The following ADRA1A variants were observed in gnomAD, a reference collection of about 807,000 sequenced individuals.
The protein encoded by ADRA1A is alpha-1A adrenergic receptor.
Under a neutral mutation model 29.6 loss-of-function variants are expected in ADRA1A, and 31 were observed. The ratio of observed to expected loss-of-function variants is 1.05; its 90% CI spans 0.79 to 1.41. ADRA1A has a LOEUF of 1.41. Among genes scored for constraint, ADRA1A ranks in the 40% most tolerant of loss-of-function variants. The pLI, the probability that ADRA1A is intolerant of heterozygous loss-of-function variation, is 0.00. For missense variants in ADRA1A, 619 were observed against 601.1 expected, an observed-to-expected ratio of 1.03 and a Z score of -0.31; for synonymous variants, 311 against 254.3, an observed-to-expected ratio of 1.22 and a Z score of -2.12.
At chr8:26,756,552 C>G in exon 3 of ADRA1A, 1 of 1,545,090 alleles carries the variant, frequency 6.5e-7, no homozygotes, top group Non-Finnish European at 8.7e-7. Flanking sequence ...CCTTAAGTTA[C>G]TGTTTTTCCT....
intron 2 of ADRA1A, among the ~76,000 whole-genome samples, chr8:26,826,284 CT>C (rs1393516873): frequency 2.0e-5 from 3 of 152,168 alleles, no homozygotes; most frequent in East Asian, 3.9e-4. Context: ...AGCAATTCTC[CT>C]GCAGACCAAA....
chr8:26,859,290 CAT>C, intron 2 of ADRA1A: 1 of 918,656 alleles, frequency 1.1e-6, no homozygotes, highest in Non-Finnish European at 1.5e-6. Context: ...AATAAAAAAA[CAT>C]ATAACATCTC....
At chr8:26,818,147 T>C (rs1432157887) in intron 2 of ADRA1A, among the ~76,000 whole-genome samples, 3 of 152,158 alleles carry the variant, frequency 2.0e-5, no homozygotes, top group Admixed American at 6.5e-5. Flanking sequence ...GAAAGAAAAC[T>C]CAGTGGTTGC....
chr8:26,798,340 G>A (rs368068870), intron 2 of ADRA1A, among the ~76,000 whole-genome samples: 8 of 152,092 alleles, frequency 5.3e-5, no homozygotes, highest in Admixed American at 4.6e-4. Flanking sequence ...TTAGATGGGC[G>A]AGATTCTAAA....
chr8:26,795,825 C>T (rs986623926), intron 2 of ADRA1A, among the ~76,000 whole-genome samples: 10 of 151,698 alleles, frequency 6.6e-5, no homozygotes, highest in South Asian at 2.1e-4. Context: ...ATTCAGGCTA[C>T]GGAAAATTGT....
chr8:26,860,931 G>T lies in ADRA1A; in HGVS notation c.883+3156C>A, dbSNP rs1813408784. ...AGCTACACCGCATCTCCTAGCTCCAGTGTATAGCAAAACCTTTCAGAAGAG... is the reference window on the plus strand; with the variant it reads ...AGCTACACCGCATCTCCTAGCTCCATTGTATAGCAAAACCTTTCAGAAGAG... On this transcript the variant is annotated intron_variant, in intron 2 of 2. Transcript: ENST00000380573. The surrounding 1 kb of genome is among the most constrained non-coding windows in gnomAD (Gnocchi z 4.7). Among the ~76,000 whole-genome samples the T allele has an allele frequency of 6.6e-6, 1 of 152,140 alleles. No individual in the cohort carries two copies. Among genetic ancestry groups the T allele is most frequent in the Admixed American group, 6.5e-5 (1 of 15,280 alleles).
At position 26,865,412 on chromosome 8, in the gene ADRA1A, C is replaced by T. The variant is rs1813833881; in HGVS notation, c.-443G>A. On this transcript the variant is annotated 5_prime_UTR_variant, in exon 2 of 3. Transcript: ENST00000380573. This position sits in a 1 kb window ranked among gnomAD's most constrained non-coding sequence, Gnocchi z 7.6. ...TGCACATGATTCGGAATTCAAAACT[C>T]CAGCGCCAGTCTCTCCCTCAAACCA... 2.0e-6 allele frequency: 2 copies of T among 1,004,460 alleles called. No homozygotes were observed. The highest frequency in any genetic ancestry group is 3.5e-5 in the African/African-American group (2 of 57,560). The allele number at this position is 1,004,460 out of a possible 1,614,324, so 62.2% of individuals were successfully genotyped here.
Position 26,770,142 on chromosome 8 carries a change from T to C in ADRA1A, c.*7A>G. ...ATTATTCCCCTTTCCTCTGCATCTTTCCTGTCCTAGACTTCCTCCCCGTTC... is the reference window on the plus strand; with the variant it reads ...ATTATTCCCCTTTCCTCTGCATCTTCCCTGTCCTAGACTTCCTCCCCGTTC... On this transcript the variant is annotated 3_prime_UTR_variant, in exon 3 of 3. Coordinates refer to ENST00000380573, the MANE Select transcript of ADRA1A (RefSeq NM_000680.4). The C allele has an allele frequency of 6.5e-7, 1 of 1,533,120 alleles. No individual in the cohort carries two copies. Among genetic ancestry groups the C allele is most frequent in the Non-Finnish European group, 8.8e-7 (1 of 1,141,350 alleles). 95.0% of individuals were successfully genotyped at this position (1,533,120 alleles called of 1,614,324 possible). A position where few individuals can be genotyped will look rare whatever the true frequency, so the allele number is the denominator to read the frequency against.
intron 2 of ADRA1A, among the ~76,000 whole-genome samples, chr8:26,792,475 C>A (rs188457877): frequency 0.013 from 1,987 of 151,766 alleles, 49 homozygotes; most frequent in African/African-American, 0.045. Context: ...TAGAATTCAT[C>A]ACCAATTCTG....
intron 2 of ADRA1A, among the ~76,000 whole-genome samples, chr8:26,862,245 C>G (rs977348684): frequency 6.6e-6 from 1 of 152,200 alleles, no homozygotes; most frequent in Non-Finnish European, 1.5e-5. Context: ...CCAGGAAGCT[C>G]TTCTTCCCAG....
At chr8:26,847,256 A>T (rs910116285) in intron 2 of ADRA1A, among the ~76,000 whole-genome samples, 11 of 152,064 alleles carry the variant, frequency 7.2e-5, no homozygotes, top group Non-Finnish European at 1.0e-4. Flanking sequence ...ACAAAAGAAA[A>T]ACACTAACAA....
At chr8:26,783,031 G>A (rs115539159) in intron 2 of ADRA1A, among the ~76,000 whole-genome samples, 1,744 of 152,236 alleles carry the variant, frequency 0.011, 32 homozygotes, top group African/African-American at 0.04. Flanking sequence ...CCACCACCAC[G>A]TCTAGCTAGA....
At chr8:26,797,281 A>G (rs1191349776) in intron 2 of ADRA1A, among the ~76,000 whole-genome samples, 1 of 151,878 alleles carries the variant, frequency 6.6e-6, no homozygotes, top group East Asian at 1.9e-4. Context: ...TAATGGGTTT[A>G]TTATTTTTAT....
intron 2 of ADRA1A, among the ~76,000 whole-genome samples, chr8:26,760,075 A>G (rs916490400): frequency 2.0e-5 from 3 of 152,214 alleles, no homozygotes; most frequent in Admixed American, 6.5e-5. Flanking sequence ...AGAAAACACA[A>G]CAGTAGGTAC....
chr8:26,826,324 G>T (rs531527418), intron 2 of ADRA1A, among the ~76,000 whole-genome samples: 71 of 152,300 alleles, frequency 4.7e-4, no homozygotes, highest in Admixed American at 1.4e-3. Context: ...TTCCACTTGT[G>T]GCTCTGCCAC....
In ADRA1A at chr8:26,796,095, G is replaced by A. The variant is rs1378519986; in HGVS notation, c.884-25429C>T. 2.0e-5 allele frequency among the ~76,000 whole-genome samples: 3 copies of A among 152,042 alleles called. No homozygotes were observed. The highest frequency in any genetic ancestry group is 7.2e-5 in the African/African-American group (3 of 41,410). Reference sequence around the variant, plus strand: ...AAAGAGTAATGTTTAGAAGTAAATAGTAAAATATTTACAGATGAAATGACA... The same window carrying A: ...AAAGAGTAATGTTTAGAAGTAAATAATAAAATATTTACAGATGAAATGACA... On this transcript the variant is annotated intron_variant, in intron 2 of 2. Transcript: ENST00000380573. This position sits in a 1 kb window ranked among gnomAD's most constrained non-coding sequence, Gnocchi z 5.0.
At chr8:26,764,106 T>C (rs1202509424), downstream of ADRA1A, among the ~76,000 whole-genome samples, 1 of 152,214 alleles carries the variant, frequency 6.6e-6, no homozygotes, top group African/African-American at 2.4e-5. Flanking sequence ...GTGTTTTTCA[T>C]GCCAAGTGCA....
chr8:26,766,003 A>G, downstream of ADRA1A: 2 of 1,610,656 alleles, frequency 1.2e-6, no homozygotes, highest in Middle Eastern at 1.7e-4. Flanking sequence ...CATAGCTTCC[A>G]GCTGACTCCT....
At chr8:26,792,150 G>A (rs1023878825) in intron 2 of ADRA1A, among the ~76,000 whole-genome samples, 2 of 152,050 alleles carry the variant, frequency 1.3e-5, no homozygotes, top group African/African-American at 4.8e-5. Flanking sequence ...ACCCAAGTGC[G>A]CTTTTGAATC....
Sources: gnomAD v4.1 joint callset for allele counts (sites outside exome capture counted in the v4.1 genomes callset) on GRCh38, gnomAD v4.1.1 for gene constraint, Gnocchi (gnomAD v3.1) non-coding constraint, MANE v1.5 for transcripts, NCBI Gene and HGNC (gene_info 2026-07-23, HGNC 2026-07-21) for gene names.